KAT2B: variants seen among roughly 807,000 people sequenced by gnomAD.
KAT2B encodes the protein histone acetyltransferase KAT2B.
In KAT2B, 36 loss-of-function variants were observed where a neutral mutation model predicts 105.9. The ratio of observed to expected loss-of-function variants is 0.34; its 90% CI spans 0.26 to 0.45. KAT2B has a LOEUF of 0.45. Among genes scored for constraint, KAT2B ranks in the 20% least tolerant of loss-of-function variants. The probability of loss-of-function intolerance (pLI) is 1.00; values close to 1 mark genes in which losing one functional copy is unlikely to be tolerated. For synonymous variants in KAT2B, 397 were observed against 377.9 expected (o/e 1.05, Z -0.59); for missense variants, 820 against 1,021.6 (o/e 0.80, Z 2.69).
chr3:20,113,186 C>G (rs1014538914), intron 6 of KAT2B, among the ~76,000 whole-genome samples: 1 of 152,192 alleles, frequency 6.6e-6, no homozygotes, highest in Non-Finnish European at 1.5e-5. Context: ...AGGGCACACT[C>G]ATGTATTTCA....
At chr3:20,064,592 T>A (rs1218940542) in intron 1 of KAT2B, among the ~76,000 whole-genome samples, 1 of 152,168 alleles carries the variant, frequency 6.6e-6, no homozygotes, top group East Asian at 1.9e-4. Flanking sequence ...ACAACCACAG[T>A]GCCAGTTACC....
intron 1 of KAT2B, among the ~76,000 whole-genome samples, chr3:20,071,765 G>A (rs1233311830): frequency 1.3e-5 from 2 of 152,154 alleles, no homozygotes; most frequent in South Asian, 2.1e-4. Context: ...ACATGATGAA[G>A]CCCTCTTCAT....
chr3:20,090,345 C>T (rs990558691), intron 2 of KAT2B, among the ~76,000 whole-genome samples: 5 of 152,154 alleles, frequency 3.3e-5, no homozygotes, highest in East Asian at 1.9e-4. Flanking sequence ...TTGTCACATA[C>T]GGCCTTTTTG....
chr3:20,135,251 G>C (rs891035767), intron 11 of KAT2B, among the ~76,000 whole-genome samples: 7 of 152,212 alleles, frequency 4.6e-5, no homozygotes, highest in African/African-American at 1.4e-4. Flanking sequence ...GCAGAAGAGG[G>C]AGATGATGAT....
intron 2 of KAT2B, among the ~76,000 whole-genome samples, chr3:20,090,834 G>A (rs1698704849): frequency 6.6e-6 from 1 of 151,996 alleles, no homozygotes; most frequent in South Asian, 2.1e-4. Context: ...TTGTGGGGTG[G>A]GTTCAAGCAA....
At chr3:20,062,900 G>C (rs954561161) in intron 1 of KAT2B, among the ~76,000 whole-genome samples, 2 of 151,834 alleles carry the variant, frequency 1.3e-5, no homozygotes, top group Non-Finnish European at 2.9e-5. Context: ...TGAGTTGTAG[G>C]CATTCTTTAT....
At chr3:20,129,307 G>A (rs1330464171) in intron 11 of KAT2B, among the ~76,000 whole-genome samples, 1 of 151,562 alleles carries the variant, frequency 6.6e-6, no homozygotes, top group Non-Finnish European at 1.5e-5. Context: ...TAATATAACT[G>A]CAACAGGCAT....
intron 1 of KAT2B, among the ~76,000 whole-genome samples, chr3:20,062,252 A>ATGAT (rs1559514407): frequency 0.044 from 819 of 18,810 alleles, 12 homozygotes; most frequent in South Asian, 0.085. Context: ...TATAATATAT[A>ATGAT]AAATATGATA....
chr3:20,113,597 C>T (rs116035756), intron 6 of KAT2B, among the ~76,000 whole-genome samples: 11 of 152,206 alleles, frequency 7.2e-5, no homozygotes, highest in South Asian at 2.1e-4. Context: ...TCCTTTTCAC[C>T]GAATATGACA....
chr3:20,076,071 T>C (rs188758906), intron 2 of KAT2B, among the ~76,000 whole-genome samples: 1 of 152,202 alleles, frequency 6.6e-6, no homozygotes, highest in East Asian at 1.9e-4. Flanking sequence ...CTGTGCACTA[T>C]CTTAAGTCAC....
At chr3:20,135,973 A>G (rs1179789941) in intron 11 of KAT2B, among the ~76,000 whole-genome samples, 2 of 152,196 alleles carry the variant, frequency 1.3e-5, no homozygotes, top group Non-Finnish European at 2.9e-5. Flanking sequence ...GAATTGGCCT[A>G]CGTTGGCGGT....
intron 1 of KAT2B, among the ~76,000 whole-genome samples, chr3:20,054,153 G>A (rs1298476972): frequency 4.0e-5 from 6 of 149,640 alleles, no homozygotes; most frequent in South Asian, 2.1e-4. Flanking sequence ...TTTTTGAGAC[G>A]GTGTCTCGCT....
intron 14 of KAT2B, 57 bp from the exon 15 acceptor site, chr3:20,147,906 G>A (rs1699805393): frequency 1.3e-6 from 2 of 1,532,404 alleles, no homozygotes; most frequent in African/African-American, 1.4e-5. Flanking sequence ...TATTAACTAT[G>A]TTATTCTCTT....
At chr3:20,097,334 T>A (rs1414989883) in intron 3 of KAT2B, among the ~76,000 whole-genome samples, 1 of 152,142 alleles carries the variant, frequency 6.6e-6, no homozygotes, top group Non-Finnish European at 1.5e-5. Flanking sequence ...AAAGTACATC[T>A]TCTCTCTCTT....
At chr3:20,080,064 T>A (rs1176638707) in intron 2 of KAT2B, among the ~76,000 whole-genome samples, 2 of 152,122 alleles carry the variant, frequency 1.3e-5, no homozygotes, top group Non-Finnish European at 2.9e-5. Flanking sequence ...CTGTGTCTGC[T>A]GCAGCTTCTG....
chr3:20,132,257 C>A (rs917043926), intron 11 of KAT2B, among the ~76,000 whole-genome samples: 1 of 152,094 alleles, frequency 6.6e-6, no homozygotes, highest in Non-Finnish European at 1.5e-5. Context: ...GCCTGTAATC[C>A]CAGCTACTCA....
rs979631921 is a variant in KAT2B at position 20,111,938 on chromosome 3, T to A, written c.1043+151T>A. The stretch of plus-strand genomic sequence containing the variant: ...AAAGACCCTCAGTTCCCTTTGTGAA[T>A]CTTCTTGGGTATTTTCCAGTCCATT... On this transcript the variant is annotated intron_variant, in intron 6 of 17. Transcript: ENST00000263754. 17 of 664,360 alleles carry A rather than the reference T, an allele frequency of 2.6e-5. No individual in the cohort carries two copies. The African/African-American group carries it at 2.8e-4, about 11-fold the overall frequency. 41.2% of individuals were successfully genotyped at this position (664,360 alleles called of 1,614,324 possible).
intron 1 of KAT2B, among the ~76,000 whole-genome samples, chr3:20,058,268 G>A (rs1698034653): frequency 6.6e-6 from 1 of 151,910 alleles, no homozygotes; most frequent in Admixed American, 6.6e-5. Flanking sequence ...GACCAGCCTG[G>A]CCAACATGGT....
intron 15 of KAT2B, 48 bp downstream of exon 15, chr3:20,148,047 T>TTC: frequency 6.6e-7 from 1 of 1,520,728 alleles, no homozygotes; most frequent in Non-Finnish European, 9.1e-7. Flanking sequence ...TTTTTTTTTT[T>TTC]CCCCACCAAG....
Sources: gnomAD v4.1 joint callset for allele counts (sites outside exome capture counted in the v4.1 genomes callset) on GRCh38, gnomAD v4.1.1 for gene constraint, MANE v1.5 for transcripts, NCBI Gene and HGNC (gene_info 2026-07-23, HGNC 2026-07-21) for gene names.